Variants in DHX57 observed in about 807,000 individuals in gnomAD.
DHX57 encodes DExH-box helicase 57.
A neutral mutation model predicts 156.2 loss-of-function variants in DHX57; 105 were observed. The ratio of observed to expected loss-of-function variants is 0.67; its 90% CI spans 0.57 to 0.79. The LOEUF (loss-of-function observed/expected upper bound fraction) is 0.79, where lower values mean the gene tolerates loss of function less well. Ranked by LOEUF, DHX57 falls within the 30% of genes least tolerant of loss-of-function variation. The pLI is 0.00. For synonymous variants in DHX57, 704 were observed against 595.6 expected (o/e 1.18, Z -2.65); for missense variants, 1,847 against 1,661.9 (o/e 1.11, Z -1.94).
Position 38,861,049 on chromosome 2 carries a change from T to G in DHX57, c.1361A>C (p.His454Pro), listed in dbSNP as rs747227923. ...SRTRINNPACHKTVIPNNSFV... is the reference protein window; with the variant it reads ...SRTRINNPACPKTVIPNNSFV... ...AGAATTATTTGGAATCACTGTTTTA[T>G]GACAGGCAGGATTATTTATTCTGGT... Residue 454 changes from histidine to proline, a missense_variant, in exon 5 of 24, where the codon CAT becomes CCT. Physicochemically the swap from His to Pro is moderately conservative, Grantham distance 77. Coordinates refer to ENST00000457308, the MANE Select transcript of DHX57 (RefSeq NM_198963.3). 3 of 1,614,118 alleles carry G rather than the reference T, an allele frequency of 1.9e-6. No individual in the cohort carries two copies. In the East Asian group the frequency reaches 6.7e-5, roughly 36 times the overall value.
chr2:38,862,590 G>T (rs1306862344), intron 3 of DHX57: 3 of 278,784 alleles, frequency 1.1e-5, no homozygotes, highest in Admixed American at 5.3e-5. Flanking sequence ...AATACTACTG[G>T]AATGTCCTTT....
At chr2:38,814,804 C>G (rs1670443393) in intron 20 of DHX57, among the ~76,000 whole-genome samples, 1 of 152,026 alleles carries the variant, frequency 6.6e-6, no homozygotes, top group South Asian at 2.1e-4. Flanking sequence ...CTCACCGCAA[C>G]TTCCACCTCC....
intron 17 of DHX57, among the ~76,000 whole-genome samples, chr2:38,821,251 T>C (rs1572639931): frequency 1.3e-5 from 2 of 151,962 alleles, no homozygotes; most frequent in East Asian, 1.9e-4. Context: ...TACATGCTTA[T>C]ATAAAAAAGA....
intron 19 of DHX57, 127 bp from the exon 20 acceptor site, chr2:38,815,782 C>T (rs966099284): frequency 6.9e-6 from 8 of 1,161,440 alleles, no homozygotes; most frequent in Admixed American, 4.6e-5. Flanking sequence ...TGGATTCATT[C>T]CTCAGGTATG....
At chr2:38,815,846 G>A (rs1670520895) in intron 19 of DHX57, 191 bp from the exon 20 acceptor site, 4 of 643,098 alleles carry the variant, frequency 6.2e-6, no homozygotes, top group East Asian at 2.8e-5. Context: ...ACGCAAACTG[G>A]CAGGCAAACT....
chr2:38,802,669 C>T (rs751278144), intron 23 of DHX57, 46 bp downstream of exon 23: 1 of 1,605,936 alleles, frequency 6.2e-7, no homozygotes. Flanking sequence ...ATTGTCAAAG[C>T]CCCTCATGGC....
At chr2:38,868,721 C>T (rs1312272668) in intron 1 of DHX57, among the ~76,000 whole-genome samples, 3 of 152,192 alleles carry the variant, frequency 2.0e-5, no homozygotes, top group Non-Finnish European at 2.9e-5. Flanking sequence ...AGATGTACAT[C>T]ATAAACACAT....
chr2:38,874,530 C>A (rs1665512212), intron 1 of DHX57, among the ~76,000 whole-genome samples: 1 of 151,160 alleles, frequency 6.6e-6, no homozygotes, highest in African/African-American at 2.4e-5. Context: ...CTGCCTCAGC[C>A]TCCTGAGTAG....
intron 13 of DHX57, among the ~76,000 whole-genome samples, chr2:38,833,906 T>C (rs1331414408): frequency 6.6e-6 from 1 of 152,218 alleles, no homozygotes; most frequent in Non-Finnish European, 1.5e-5. Flanking sequence ...GCCTATTTTA[T>C]TATTTATATC....
intron 23 of DHX57, among the ~76,000 whole-genome samples, chr2:38,801,635 C>G (rs1177305514): frequency 1.3e-5 from 2 of 151,644 alleles, no homozygotes; most frequent in African/African-American, 4.8e-5. Context: ...CCTCTTGTTG[C>G]TCAGGCTGGA....
At chr2:38,829,241 C>G (rs1671256274) in intron 13 of DHX57, among the ~76,000 whole-genome samples, 1 of 151,478 alleles carries the variant, frequency 6.6e-6, no homozygotes. Flanking sequence ...CTGTGCCTGG[C>G]CTAGCTAAGC....
At chr2:38,840,448 T>C (rs1019282436) in intron 12 of DHX57, among the ~76,000 whole-genome samples, 3 of 151,762 alleles carry the variant, frequency 2.0e-5, no homozygotes, top group African/African-American at 7.3e-5. Flanking sequence ...TGGTGCAATC[T>C]GGGCTCACTG....
At chr2:38,830,061 C>G (rs575005308) in intron 13 of DHX57, among the ~76,000 whole-genome samples, 1 of 152,302 alleles carries the variant, frequency 6.6e-6, no homozygotes, top group Admixed American at 6.5e-5. Flanking sequence ...CACCAGCCCC[C>G]CTTTAATCCC....
intron 22 of DHX57, 199 bp downstream of exon 22, chr2:38,806,360 A>G (rs2148532373): frequency 1.8e-6 from 1 of 545,816 alleles, no homozygotes; most frequent in Non-Finnish European, 3.0e-6. Flanking sequence ...TTTGGTATTC[A>G]GTAGAATTTT....
chr2:38,848,391 A>G lies in DHX57; in HGVS notation c.2042T>C (p.Leu681Pro). ...HERTEESDFL[L>P]LVLKDIVSQR... Reference sequence around the variant, plus strand: ...CGATACAATGTCCTTCAAAACTAGCAGCAAGAAGTCACTAGAGAAAATAAA... The same window carrying G: ...CGATACAATGTCCTTCAAAACTAGCGGCAAGAAGTCACTAGAGAAAATAAA... The change falls in exon 10 of 24, where the codon CTG becomes CCG. Residue 681 changes from leucine (L) to proline (P), a missense_variant. Coordinates refer to ENST00000457308, the MANE Select transcript of DHX57 (RefSeq NM_198963.3). The G allele has an allele frequency of 6.2e-7, 1 of 1,600,314 alleles. No individual in the cohort carries two copies. Among genetic ancestry groups the G allele is most frequent in the South Asian group, 1.1e-5 (1 of 87,452 alleles).
At chr2:38,834,092 G>C (rs1374101511) in intron 13 of DHX57, among the ~76,000 whole-genome samples, 1 of 152,112 alleles carries the variant, frequency 6.6e-6, no homozygotes. Context: ...CACTTTGGGA[G>C]GCTGAGGTGG....
chr2:38,819,467 C>A (rs946348307), intron 17 of DHX57, among the ~76,000 whole-genome samples: 4 of 152,200 alleles, frequency 2.6e-5, no homozygotes, highest in African/African-American at 4.8e-5. Flanking sequence ...TGAGCCACCA[C>A]ACCAGGTCCT....
chr2:38,862,245 C>T lies in DHX57; in HGVS notation c.472G>A (p.Val158Ile), dbSNP rs201714064. The T allele has an allele frequency of 4.2e-4, 685 of 1,613,950 alleles. No homozygotes were observed. The highest frequency in any genetic ancestry group is 5.0e-4 in the Non-Finnish European group (591 of 1,179,870). ...TATTCCAAAGGATCCAAGTCGGGAA[C>T]GAGGGAAGGTTCCTGTCCAGCTGGC... is the stretch of plus-strand genomic sequence containing the variant. ...YWPAGQEPSL[V>I]PDLDPLEYAG... is the part of the protein sequence containing the mutation. Residue 158 changes from valine to isoleucine, a missense_variant, in exon 4 of 24, where the codon GTT (valine) becomes ATT (isoleucine). Coordinates refer to ENST00000457308, the MANE Select transcript of DHX57 (RefSeq NM_198963.3).
intron 9 of DHX57, chr2:38,853,506 T>A (rs1672723169): frequency 6.6e-6 from 1 of 152,334 alleles, no homozygotes; most frequent in Non-Finnish European, 1.5e-5. Context: ...AAACACAGCA[T>A]GCCGTTTATT....
Sources: allele counts gnomAD v4.1 joint callset (sites outside exome capture counted in the v4.1 genomes callset), GRCh38; gene constraint gnomAD v4.1.1; transcripts MANE v1.5; gene names NCBI Gene and HGNC (gene_info 2026-07-23, HGNC 2026-07-21).